The following PCDHGB2 variants were observed in gnomAD, a reference collection of about 807,000 sequenced individuals.
PCDHGB2 encodes protocadherin gamma-B2.
PCDHGB2 carries 55 observed loss-of-function variants against 59.3 expected under a neutral mutation model. The ratio of observed to expected loss-of-function variants is 0.93; its 90% CI spans 0.75 to 1.16. The LOEUF is 1.16. Ranked by LOEUF, PCDHGB2 falls within the 50% of genes most tolerant of loss-of-function variation. PCDHGB2 has a pLI of 0.00. For missense variants in PCDHGB2, 1,228 were observed against 1,198.5 expected (o/e 1.02, Z -0.36); for synonymous variants, 516 against 512.0 (o/e 1.01, Z -0.11).
At chr5:141,428,142 C>T in intron 1 of PCDHGB2, 1 of 1,594,260 alleles carries the variant, frequency 6.3e-7, no homozygotes, top group Non-Finnish European at 8.6e-7. Flanking sequence ...CCTGGGGCTG[C>T]ACACGGGAAC....
At chr5:141,428,188 G>C (rs1023078587) in intron 1 of PCDHGB2, 1 of 1,433,232 alleles carries the variant, frequency 7.0e-7, no homozygotes, top group African/African-American at 1.4e-5. Flanking sequence ...GACAGCCGCC[G>C]CTCTCTGCGC....
chr5:141,429,376 T>TG (rs2097206796), intron 1 of PCDHGB2, among the ~76,000 whole-genome samples: 1 of 144,558 alleles, frequency 6.9e-6, no homozygotes, highest in Non-Finnish European at 1.5e-5. Context: ...GGAGAAAATG[T>TG]GTTTTTTTTT....
rs1467261705 is a variant in PCDHGB2, at chr5:141,417,640, C to G, written c.2421+55084C>G. 6.6e-6 allele frequency: 5 copies of G among 761,360 alleles called. No homozygotes were observed. The African/African-American group carries it at 8.8e-5, about 13-fold the overall frequency. 47.2% of individuals were successfully genotyped at this position (761,360 alleles called of 1,614,324 possible). A position where few individuals can be genotyped will look rare whatever the true frequency, so the allele number is the denominator to read the frequency against. On this transcript the variant is annotated intron_variant, in intron 1 of 3. Coordinates refer to ENST00000522605, the MANE Select transcript of PCDHGB2 (RefSeq NM_018923.3). ...AGAGCAAGCGCTGACGCCGGGGATC[C>G]CTCAGCCTCTAGCCTGGGATTCCCT...
intron 1 of PCDHGB2, chr5:141,375,182 G>A (rs1194415432): frequency 2.5e-6 from 4 of 1,613,936 alleles, no homozygotes; most frequent in South Asian, 1.1e-5. Flanking sequence ...AACAGTAATC[G>A]CCCTTTTTCA....
At chr5:141,366,023 C>T (rs762756042) in intron 1 of PCDHGB2, 4 of 1,614,122 alleles carry the variant, frequency 2.5e-6, no homozygotes, top group Non-Finnish European at 1.7e-6. Flanking sequence ...GATCCTGTAC[C>T]CCGCCCTCCC....
chr5:141,492,091 C>G (rs930375969), intron 1 of PCDHGB2, among the ~76,000 whole-genome samples: 5 of 152,242 alleles, frequency 3.3e-5, no homozygotes, highest in Non-Finnish European at 5.9e-5. Flanking sequence ...CACGCTTCGC[C>G]GGTCTGTAGA....
At chr5:141,461,281 C>T (rs1305044383) in intron 1 of PCDHGB2, among the ~76,000 whole-genome samples, 1 of 152,050 alleles carries the variant, frequency 6.6e-6, no homozygotes, top group Non-Finnish European at 1.5e-5. Flanking sequence ...CTCTTTTCCC[C>T]ACATCCACAC....
chr5:141,429,487 C>G (rs2097218311), intron 1 of PCDHGB2, among the ~76,000 whole-genome samples: 1 of 151,822 alleles, frequency 6.6e-6, no homozygotes, highest in Non-Finnish European at 1.5e-5. Flanking sequence ...GTAGCTGAGA[C>G]TACAGTTGCC....
chr5:141,507,631 C>A (rs1435446169), intron 3 of PCDHGB2, among the ~76,000 whole-genome samples: 1 of 152,236 alleles, frequency 6.6e-6, no homozygotes, highest in Non-Finnish European at 1.5e-5. Context: ...TGTGGCCTTG[C>A]GCCCTGAGGC....
At chr5:141,404,041 A>G in intron 1 of PCDHGB2, 1 of 1,613,936 alleles carries the variant, frequency 6.2e-7, no homozygotes, top group Non-Finnish European at 8.5e-7. Context: ...CACCTCAGGG[A>G]ACAGTAATTC....
Position 141,487,418 on chromosome 5 carries a change from A to T in PCDHGB2, c.2422-7389A>T. ...GGAGGGGCTTCCCCCTTCCAATGGG[A>T]TCCTCCGAATCCAGCTAGGGTCAGA... On this transcript the variant is annotated intron_variant, in intron 1 of 3. Transcript: ENST00000522605. The surrounding 1 kb of genome is among the most constrained non-coding windows in gnomAD (Gnocchi z 5.0). The T allele has an allele frequency of 6.2e-7, 1 of 1,614,060 alleles. No homozygotes were observed. The highest frequency in any genetic ancestry group is 8.5e-7 in the Non-Finnish European group (1 of 1,179,998).
chr5:141,383,075 TG>T, intron 1 of PCDHGB2: 2 of 1,613,878 alleles, frequency 1.2e-6, no homozygotes, highest in Non-Finnish European at 1.7e-6. Flanking sequence ...CCCCGGGAGC[TG>T]GCGGAGCGCG....
intron 1 of PCDHGB2, chr5:141,433,069 C>T (rs561950316): frequency 2.5e-6 from 4 of 1,614,080 alleles, no homozygotes; most frequent in African/African-American, 1.3e-5. Context: ...ACCTGATCTT[C>T]CCCCAGCCCA....
rs772043134 is a variant in PCDHGB2, at chr5:141,432,746, G to A, written c.2422-62061G>A. 1.2e-6 allele frequency: 2 copies of A among 1,614,098 alleles called. No homozygotes were observed. Among genetic ancestry groups the A allele is most frequent in the East Asian group, 4.5e-5 (2 of 44,860 alleles). On this transcript the variant is annotated intron_variant, in intron 1 of 3. Coordinates refer to ENST00000522605, the MANE Select transcript of PCDHGB2 (RefSeq NM_018923.3). The surrounding 1 kb of genome is among the most constrained non-coding windows in gnomAD (Gnocchi z 6.0). ...CTCCGCCACTGTCACGCTCACCGTGGCCGTGGCCGACAGCATCCCCCAAGT... is the reference window on the plus strand; with the variant it reads ...CTCCGCCACTGTCACGCTCACCGTGACCGTGGCCGACAGCATCCCCCAAGT...
chr5:141,385,609 A>AT (rs1360178959), intron 1 of PCDHGB2: 2 of 1,138,046 alleles, frequency 1.8e-6, no homozygotes, highest in African/African-American at 3.2e-5. Flanking sequence ...TAACTCATAT[A>AT]TTTTATACAT....
chr5:141,473,598 T>C (rs959841516), intron 1 of PCDHGB2, among the ~76,000 whole-genome samples: 8 of 152,066 alleles, frequency 5.3e-5, no homozygotes, highest in African/African-American at 1.9e-4. Flanking sequence ...CCTGTAGAAA[T>C]TAGCAAAGCA....
In PCDHGB2 at chr5:141,493,985, C is replaced by A. The variant is rs1444608753; in HGVS notation, c.2422-822C>A. On this transcript the variant is annotated intron_variant, in intron 1 of 3. Coordinates refer to ENST00000522605, the MANE Select transcript of PCDHGB2 (RefSeq NM_018923.3). This position sits in a 1 kb window ranked among gnomAD's most constrained non-coding sequence, Gnocchi z 4.3. ...GCTGGCCAGAGCCCCACACCTTCAGCTAGGTGGGAGATGGCTACACATCAG... is the reference window on the plus strand; with the variant it reads ...GCTGGCCAGAGCCCCACACCTTCAGATAGGTGGGAGATGGCTACACATCAG... Among the ~76,000 whole-genome samples the A allele has an allele frequency of 6.6e-6, 1 of 152,196 alleles. No individual in the cohort carries two copies. The highest frequency in any genetic ancestry group is 1.5e-5 in the Non-Finnish European group (1 of 68,032).
intron 1 of PCDHGB2, chr5:141,371,463 C>A (rs753028927): frequency 6.2e-7 from 1 of 1,613,952 alleles, no homozygotes; most frequent in Non-Finnish European, 8.5e-7. Context: ...CCAACATATA[C>A]AAGAAGATGC....
intron 1 of PCDHGB2, chr5:141,399,717 C>T (rs748626326): frequency 3.1e-6 from 5 of 1,613,320 alleles, no homozygotes; most frequent in Non-Finnish European, 4.2e-6. Context: ...CACTACAGGC[C>T]CGCGACCAGG....
Sources: allele counts gnomAD v4.1 joint callset (sites outside exome capture counted in the v4.1 genomes callset), GRCh38; gene constraint gnomAD v4.1.1; non-coding constraint Gnocchi (gnomAD v3.1); transcripts MANE v1.5; gene names NCBI Gene and HGNC (gene_info 2026-07-23, HGNC 2026-07-21).